Variants in CREBRF observed in about 807,000 individuals in gnomAD.
CREBRF encodes the protein UPF0474 protein C5orf41.
CREBRF carries 5 observed loss-of-function variants against 66.1 expected under a neutral mutation model. The ratio of observed to expected loss-of-function variants is 0.08; its 90% CI spans 0.04 to 0.16. The LOEUF is 0.16. Among genes scored for constraint, CREBRF ranks in the 10% least tolerant of loss-of-function variants. CREBRF has a pLI of 1.00. For missense variants in CREBRF, 531 were observed against 744.9 expected, an observed-to-expected ratio of 0.71 and a Z score of 3.34; for synonymous variants, 229 against 264.4, an observed-to-expected ratio of 0.87 and a Z score of 1.30.
chr5:173,068,407 A>C (rs986059328), intron 1 of CREBRF, among the ~76,000 whole-genome samples: 2 of 152,216 alleles, frequency 1.3e-5, no homozygotes, highest in Non-Finnish European at 2.9e-5. Flanking sequence ...TTACAGATAT[A>C]CATACAAATT....
chr5:173,092,280 T>A (rs1758363897), intron 4 of CREBRF: 1 of 980,506 alleles, frequency 1.0e-6, no homozygotes. Context: ...TTAATTTACA[T>A]CGTATTTTCC....
chr5:173,109,292 A>C (rs1758820110), intron 5 of CREBRF: 1 of 153,470 alleles, frequency 6.5e-6, no homozygotes, highest in South Asian at 2.1e-4. Context: ...TGTAGAGAAG[A>C]GTTGAATACC....
At chr5:173,122,867 C>G (rs1043397143) in intron 7 of CREBRF, among the ~76,000 whole-genome samples, 1 of 145,924 alleles carries the variant, frequency 6.9e-6, no homozygotes, top group Non-Finnish European at 1.5e-5. Context: ...TTTGTCCTTG[C>G]GATAGTTTAC....
At chr5:173,086,963 T>TTTTTTA in intron 3 of CREBRF, among the ~76,000 whole-genome samples, 1 of 150,792 alleles carries the variant, frequency 6.6e-6, no homozygotes. Flanking sequence ...TTTTTTTTTT[T>TTTTTTA]TGAGACAGAG....
intron 8 of CREBRF, among the ~76,000 whole-genome samples, chr5:173,128,009 C>CA (rs1406708751): frequency 6.6e-6 from 1 of 152,098 alleles, no homozygotes; most frequent in East Asian, 1.9e-4. Flanking sequence ...TTCTCCCCCC[C>CA]AAAACCAGCT....
rs62385898 is a variant in CREBRF, at chr5:173,093,171, G to A, written c.1222+1770G>A. On this transcript the variant is annotated intron_variant, in intron 4 of 8. Coordinates refer to ENST00000296953, the MANE Select transcript of CREBRF (RefSeq NM_153607.3). ...GAGAGGATGGGTAATTAAGGGAAAT[G>A]GCAAATGTGGGGAAGGAAATGCCTT... Among the ~76,000 whole-genome samples, 1,520 of 152,190 alleles carry A rather than the reference G, an allele frequency of 1.0e-2. 14 individuals carry two copies. The highest frequency in any genetic ancestry group is 0.015 in the Non-Finnish European group (999 of 68,024).
At chr5:173,071,681 T>C (rs895261846) in intron 1 of CREBRF, among the ~76,000 whole-genome samples, 25 of 151,990 alleles carry the variant, frequency 1.6e-4, no homozygotes, top group African/African-American at 5.6e-4. Context: ...CCAAGAAATG[T>C]ATGGGAGTTG....
chr5:173,112,361 G>A lies in CREBRF; in HGVS notation c.1663G>A (p.Gly555Ser). 1 of 1,599,372 alleles carries A rather than the reference G, an allele frequency of 6.3e-7. No homozygotes were observed. Among genetic ancestry groups the A allele is most frequent in the Admixed American group, 1.7e-5 (1 of 58,906 alleles). ...TGAAGCTAATAAAGTGAAATTATGGGGCCTCAACACAGAATATGGTAAACC... is the reference window on the plus strand; with the variant it reads ...TGAAGCTAATAAAGTGAAATTATGGAGCCTCAACACAGAATATGGTAAACC... ...QYEANKVKLWGLNTEYDNLLF... is the reference protein window; with the variant it reads ...QYEANKVKLWSLNTEYDNLLF... Residue 555 changes from glycine (G) to serine (S), a missense_variant, in exon 7 of 9, where the codon GGC becomes AGC. Physicochemically the swap from Gly to Ser is moderately conservative, Grantham distance 56 (BLOSUM62 0). Transcript: ENST00000296953.
chr5:173,091,822 C>A, intron 4 of CREBRF: 1 of 982,548 alleles, frequency 1.0e-6, no homozygotes, highest in Non-Finnish European at 1.2e-6. Flanking sequence ...CAGTGGCTCA[C>A]GTTAGTAATC....
At chr5:173,085,413 C>CTTTTTTTTTTTTTTTTTTTTTTTT in intron 2 of CREBRF, 1 of 725,160 alleles carries the variant, frequency 1.4e-6, no homozygotes, top group Non-Finnish European at 2.2e-6. Flanking sequence ...CAAATACATT[C>CTTTTTTTTTTTTTTTTTTTTTTTT]TTTTTTTTTT....
rs1366241241 is a variant in CREBRF, at chr5:173,135,076, T to C, written c.*1331T>C. 6 of 151,978 alleles carry C rather than the reference T, an allele frequency of 3.9e-5. No homozygotes were observed. The highest frequency in any genetic ancestry group is 1.5e-4 in the African/African-American group (6 of 41,354). The allele number at this position is 151,978 out of a possible 1,614,324, so 9.4% of individuals were successfully genotyped here. On this transcript the variant is annotated 3_prime_UTR_variant, in exon 9 of 9. Coordinates refer to ENST00000296953, the MANE Select transcript of CREBRF (RefSeq NM_153607.3). ...TAGATTATTTTTATTGTATTATGTA[T>C]ATATATATATGTAAAGAAAGAAAAA... is the stretch of plus-strand genomic sequence containing the variant.
chr5:173,066,380 ATTGT>A (rs1757437404), intron 1 of CREBRF, among the ~76,000 whole-genome samples: 1 of 152,044 alleles, frequency 6.6e-6, no homozygotes, highest in South Asian at 2.1e-4. Context: ...GCACCTACAA[ATTGT>A]TTGATAACAA....
intron 4 of CREBRF, among the ~76,000 whole-genome samples, chr5:173,092,569 ACT>A (rs1758375633): frequency 1.3e-5 from 2 of 152,182 alleles, no homozygotes; most frequent in Non-Finnish European, 2.9e-5. Context: ...GTTGGTACTA[ACT>A]CTGCATGAAA....
intron 7 of CREBRF, among the ~76,000 whole-genome samples, chr5:173,119,298 T>C (rs905252643): frequency 1.3e-5 from 2 of 152,212 alleles, no homozygotes; most frequent in African/African-American, 4.8e-5. Context: ...AGTTTTCCGA[T>C]CCATGGACCT....
rs1345995824 is a variant in CREBRF at position 173,086,565 on chromosome 5, A to T, written c.74A>T (p.Gln25Leu). 3 of 1,614,102 alleles carry T rather than the reference A, an allele frequency of 1.9e-6. No homozygotes were observed. The highest frequency in any genetic ancestry group is 2.5e-6 in the Non-Finnish European group (3 of 1,179,994). Residue 25 changes from glutamine to leucine, a missense_variant, in exon 3 of 9, where the codon CAA becomes CTA. By Grantham distance (113) the Gln-to-Leu change is moderately radical. Coordinates refer to ENST00000296953, the MANE Select transcript of CREBRF (RefSeq NM_153607.3). The stretch of plus-strand genomic sequence containing the variant: ...TTTCGAAGCCACACCTTTTCGGAAC[A>T]AACTCTGATGAGCACAGATCTCTTA... ...DAFRSHTFSEQTLMSTDLLAN... is the reference protein window; with the variant it reads ...DAFRSHTFSELTLMSTDLLAN...
At chr5:173,072,165 TG>T (rs1400388939) in intron 1 of CREBRF, among the ~76,000 whole-genome samples, 12 of 152,312 alleles carry the variant, frequency 7.9e-5, no homozygotes, top group Non-Finnish European at 1.5e-4. Context: ...TGAAGTGCAG[TG>T]GCACAATCAT....
intron 4 of CREBRF, among the ~76,000 whole-genome samples, chr5:173,095,943 G>A (rs2094879345): frequency 6.6e-6 from 1 of 151,578 alleles, no homozygotes; most frequent in Non-Finnish European, 1.5e-5. Flanking sequence ...TACTGAATTA[G>A]TTTATTAGTT....
intron 2 of CREBRF, among the ~76,000 whole-genome samples, chr5:173,081,649 ACAGTGGCTCACGCCTGTAAT>A (rs759684619): frequency 5.3e-5 from 8 of 152,174 alleles, no homozygotes; most frequent in Non-Finnish European, 8.8e-5. Context: ...CCGGCTAGGC[ACAGTGGCTCACGCCTGTAAT>A]CCCAGCACTT....
At chr5:173,117,366 T>C in intron 7 of CREBRF, among the ~76,000 whole-genome samples, 1 of 136,874 alleles carries the variant, frequency 7.3e-6, no homozygotes, top group Admixed American at 7.6e-5. Context: ...GCAACAAGAG[T>C]GAAACTCTGT....
Sources: allele counts gnomAD v4.1 joint callset (sites outside exome capture counted in the v4.1 genomes callset), GRCh38; gene constraint gnomAD v4.1.1; transcripts MANE v1.5; gene names NCBI Gene and HGNC (gene_info 2026-07-23, HGNC 2026-07-21).